ZMYM2: variants seen among roughly 807,000 people sequenced by gnomAD.
ZMYM2 encodes zinc finger MYM-type protein 2.
Under a neutral mutation model 162.8 loss-of-function variants are expected in ZMYM2, and 56 were observed. The ratio of observed to expected loss-of-function variants is 0.34; its 90% CI spans 0.28 to 0.43. The LOEUF (loss-of-function observed/expected upper bound fraction) is 0.43. Ranked by LOEUF, ZMYM2 falls within the 20% of genes least tolerant of loss-of-function variation. The pLI, the probability that ZMYM2 is intolerant of heterozygous loss-of-function variation, is 1.00. For missense variants in ZMYM2, 1,275 were observed against 1,621.8 expected (o/e 0.79, Z 3.67); for synonymous variants, 510 against 541.6 (o/e 0.94, Z 0.81).
At chr13:19,885,916 CACAT>C in the ZMYM2 span, among the ~76,000 whole-genome samples, 15 of 49,418 alleles carry the variant, frequency 3.0e-4, 3 homozygotes, top group Non-Finnish European at 6.0e-4. Flanking sequence ...TATGTATATA[CACAT>C]ATATATGTGT....
intron 13 of ZMYM2, among the ~76,000 whole-genome samples, chr13:20,051,935 G>A (rs984972745): frequency 2.0e-5 from 3 of 151,994 alleles, no homozygotes; most frequent in Admixed American, 6.5e-5. Flanking sequence ...TTAGCAAATC[G>A]TATTGCTAGG....
chr13:20,059,558 T>A lies in ZMYM2; in HGVS notation c.2735T>A (p.Val912Asp). ...QNIPVPTTVP[V>D]PVPVPVFLPA... ...ATTCCTGTTCCTACTACAGTTCCTG[T>A]TCCTGTAAGTCACATTTTAAGTTCT... Residue 912 changes from valine (V) to aspartate (D), a missense_variant, in exon 16 of 25, where the codon GTT (valine) becomes GAT (aspartate). Physicochemically the swap from Val to Asp is radical, Grantham distance 152. This residue lies in a region of ZMYM2 where 229 missense variants were observed against 283.8 expected (regional missense o/e 0.81). Coordinates refer to ENST00000610343, the MANE Select transcript of ZMYM2 (RefSeq NM_197968.4). The A allele has an allele frequency of 8.5e-7, 1 of 1,173,340 alleles. No homozygotes were observed. The highest frequency in any genetic ancestry group is 1.3e-6 in the Non-Finnish European group (1 of 778,088). The allele number at this position is 1,173,340 out of a possible 1,614,324, so 72.7% of individuals were successfully genotyped here. A position where few individuals can be genotyped will look rare whatever the true frequency, so the allele number is the denominator to read the frequency against.
At position 20,062,526 on chromosome 13, in the gene ZMYM2, T is replaced by G. The variant is rs574370334; in HGVS notation, c.2912-320T>G. On this transcript the variant is annotated intron_variant, in intron 17 of 24. Coordinates refer to ENST00000610343, the MANE Select transcript of ZMYM2 (RefSeq NM_197968.4). ...GTTGTCTACCCTCATTAGTTTATTTTTGACAAAAAGTTGCTTTTAGAAATA... is the reference window on the plus strand; with the variant it reads ...GTTGTCTACCCTCATTAGTTTATTTGTGACAAAAAGTTGCTTTTAGAAATA... Among the ~76,000 whole-genome samples, 7 of 152,328 alleles carry G rather than the reference T, an allele frequency of 4.6e-5. No individual in the cohort carries two copies. In the East Asian group the frequency reaches 1.2e-3, roughly 25 times the overall value.
intron 2 of ZMYM2, among the ~76,000 whole-genome samples, chr13:19,974,127 T>G (rs1217364824): frequency 6.6e-6 from 1 of 152,234 alleles, no homozygotes. Flanking sequence ...ATACCAACTT[T>G]AAAAGGTAGA....
At chr13:19,977,496 C>CTT (rs35672590) in intron 2 of ZMYM2, among the ~76,000 whole-genome samples, 92 of 141,468 alleles carry the variant, frequency 6.5e-4, no homozygotes, top group African/African-American at 1.6e-3. Context: ...CTTTCCATTT[C>CTT]TTTTTTTTTT....
chr13:20,018,628 T>TA (rs796250019), intron 6 of ZMYM2, among the ~76,000 whole-genome samples: 25 of 152,352 alleles, frequency 1.6e-4, no homozygotes, highest in African/African-American at 6.0e-4. Flanking sequence ...GGAGACTGTA[T>TA]AATGCTTGTC....
chr13:19,929,529 C>T, the ZMYM2 span, among the ~76,000 whole-genome samples: 377 of 152,266 alleles, frequency 2.5e-3, no homozygotes, highest in Middle Eastern at 6.8e-3. Context: ...TGAGCCACCG[C>T]GCCCAGCCTT....
chr13:19,996,747 A>G (rs1043841599), intron 3 of ZMYM2, among the ~76,000 whole-genome samples: 2 of 152,150 alleles, frequency 1.3e-5, no homozygotes, highest in South Asian at 2.1e-4. Flanking sequence ...CTAGCCAGGC[A>G]TGGTGGTGCA....
At chr13:20,063,135 GT>G (rs1437816590) in intron 18 of ZMYM2, among the ~76,000 whole-genome samples, 164 bp downstream of exon 18, 1 of 150,806 alleles carries the variant, frequency 6.6e-6, no homozygotes, top group Non-Finnish European at 1.5e-5. Context: ...TTTTGTTGTT[GT>G]TTTTTTTTAA....
intron 6 of ZMYM2, among the ~76,000 whole-genome samples, chr13:20,007,682 G>A (rs987633899): frequency 2.7e-5 from 4 of 147,042 alleles, no homozygotes; most frequent in African/African-American, 1.0e-4. Context: ...GTGCATTGGC[G>A]TAATTTTGGC....
intron 6 of ZMYM2, among the ~76,000 whole-genome samples, chr13:20,018,380 G>A (rs535992655): frequency 3.5e-4 from 54 of 152,252 alleles, no homozygotes; most frequent in African/African-American, 1.3e-3. Context: ...CTGATAAAGA[G>A]ACCCAATTGG....
intron 17 of ZMYM2, 54 bp from the exon 18 acceptor site, chr13:20,062,792 A>G: frequency 2.7e-6 from 4 of 1,465,780 alleles, no homozygotes; most frequent in Non-Finnish European, 3.6e-6. Flanking sequence ...TTAAATACAG[A>G]TACCATTGGG....
Position 20,005,177 on chromosome 13 carries a change from C to G in ZMYM2, c.1237C>G (p.Gln413Glu). The change falls in exon 5 of 25, where the codon CAG becomes GAG. Residue 413 changes from glutamine (Q) to glutamate (E), a missense_variant. By Grantham distance (29) the Gln-to-Glu change is conservative. Around this residue, in one of 10 missense-constraint regions of ZMYM2, gnomAD observed 276 missense variants for 311.8 expected, o/e 0.89. Coordinates refer to ENST00000610343, the MANE Select transcript of ZMYM2 (RefSeq NM_197968.4). ...TTGTTTATCTCTCTATGAAGACAAACAGAATCCTACTAAAGGAGCTCTAAA... is the reference window on the plus strand; with the variant it reads ...TTGTTTATCTCTCTATGAAGACAAAGAGAATCCTACTAAAGGAGCTCTAAA... ...TSCLSLYEDK[Q>E]NPTKGALNKS... 6.3e-7 allele frequency: 1 copy of G among 1,593,750 alleles called. No individual in the cohort carries two copies. The highest frequency in any genetic ancestry group is 8.5e-7 in the Non-Finnish European group (1 of 1,173,604).
intron 6 of ZMYM2, among the ~76,000 whole-genome samples, chr13:20,018,170 A>G (rs898398268): frequency 2.6e-5 from 4 of 152,208 alleles, no homozygotes; most frequent in Admixed American, 2.6e-4. Flanking sequence ...TGTTCCCCAC[A>G]TAATCTCTAC....
the ZMYM2 span, among the ~76,000 whole-genome samples, chr13:19,912,968 G>C: frequency 6.6e-6 from 1 of 152,138 alleles, no homozygotes; most frequent in Non-Finnish European, 1.5e-5. Flanking sequence ...TTGCATTTGG[G>C]TGTACTACTC....
At chr13:19,889,470 C>T in the ZMYM2 span, among the ~76,000 whole-genome samples, 5 of 152,042 alleles carry the variant, frequency 3.3e-5, no homozygotes, top group Middle Eastern at 6.8e-3. Flanking sequence ...CAGGCTCCCG[C>T]CACCACACCT....
At chr13:19,975,704 C>G (rs1472626819) in intron 2 of ZMYM2, among the ~76,000 whole-genome samples, 1 of 152,148 alleles carries the variant, frequency 6.6e-6, no homozygotes, top group Non-Finnish European at 1.5e-5. Flanking sequence ...ATTGATGGGT[C>G]ATAGATTAAT....
At chr13:19,984,137 G>C (rs145599369) in intron 2 of ZMYM2, among the ~76,000 whole-genome samples, 23 of 152,272 alleles carry the variant, frequency 1.5e-4, no homozygotes, top group African/African-American at 5.1e-4. Flanking sequence ...ACTTTGAAGT[G>C]CTTTCTTTGT....
intron 23 of ZMYM2, 141 bp downstream of exon 23, chr13:20,083,173 C>T: frequency 2.6e-6 from 2 of 771,856 alleles, no homozygotes; most frequent in Non-Finnish European, 2.0e-6. Context: ...AGCAATTCTC[C>T]TCCCTCAGCC....
Sources: allele counts gnomAD v4.1 joint callset (sites outside exome capture counted in the v4.1 genomes callset), GRCh38; gene constraint gnomAD v4.1.1; regional missense constraint gnomAD v4.1.1; transcripts MANE v1.5; gene names NCBI Gene and HGNC (gene_info 2026-07-23, HGNC 2026-07-21).